Variants in SLC20A2 observed in about 807,000 individuals in gnomAD.
The protein encoded by SLC20A2 is solute carrier family 20 member 2.
Under a neutral mutation model 61.0 loss-of-function variants are expected in SLC20A2, and 30 were observed. That is an observed-to-expected ratio of 0.49 (90% CI 0.37 to 0.67). The LOEUF (loss-of-function observed/expected upper bound fraction) is 0.67, where lower values mean the gene tolerates loss of function less well. Ranked by LOEUF, SLC20A2 falls within the 30% of genes least tolerant of loss-of-function variation. The probability of loss-of-function intolerance (pLI) is 0.00; values close to 1 mark genes in which losing one functional copy is unlikely to be tolerated. For synonymous variants in SLC20A2, 351 were observed against 353.3 expected, an observed-to-expected ratio of 0.99 and a Z score of 0.07; for missense variants, 626 against 866.4, an observed-to-expected ratio of 0.72 and a Z score of 3.48.
At chr8:42,431,544 T>A (rs28868988) in intron 8 of SLC20A2, among the ~76,000 whole-genome samples, 1 of 152,130 alleles carries the variant, frequency 6.6e-6, no homozygotes, top group Non-Finnish European at 1.5e-5. Flanking sequence ...AGAAGATCCA[T>A]CTAAGATCAC....
At chr8:42,469,872 G>A (rs916151836) in intron 2 of SLC20A2, among the ~76,000 whole-genome samples, 5 of 147,582 alleles carry the variant, frequency 3.4e-5, no homozygotes, top group African/African-American at 1.3e-4. Flanking sequence ...AGGTTGCAGT[G>A]AGCCGAGATC....
intron 1 of SLC20A2, among the ~76,000 whole-genome samples, chr8:42,518,623 C>G (rs1247915309): frequency 6.6e-6 from 1 of 152,204 alleles, no homozygotes; most frequent in African/African-American, 2.4e-5. Context: ...TCCGTGTATA[C>G]TTTCACTTGT....
chr8:42,417,541 A>ATAAT lies in SLC20A2; in HGVS notation c.*261_*262insATTA. 1 of 273,170 alleles carries ATAAT rather than the reference A, an allele frequency of 3.7e-6. No individual in the cohort carries two copies. Among genetic ancestry groups the ATAAT allele is most frequent in the Non-Finnish European group, 7.1e-6 (1 of 141,572 alleles). 16.9% of individuals were successfully genotyped at this position (273,170 alleles called of 1,614,324 possible). A position where few individuals can be genotyped will look rare whatever the true frequency, so the allele number is the denominator to read the frequency against. On this transcript the variant is annotated 3_prime_UTR_variant, in exon 11 of 11. Transcript: ENST00000520262. ...TATGGATACAATAGATATTTAATAT[A>ATAAT]TAAGTAACTGCACCACATTATATCA...
chr8:42,439,686 G>C (rs1275731496), intron 6 of SLC20A2, 33 bp from the exon 7 acceptor site: 2 of 1,413,560 alleles, frequency 1.4e-6, no homozygotes, highest in East Asian at 2.3e-5. Flanking sequence ...GAACATTCTG[G>C]AAGAGAGTTC....
intron 1 of SLC20A2, among the ~76,000 whole-genome samples, chr8:42,488,248 C>T (rs1241474539): frequency 1.4e-5 from 2 of 139,640 alleles, no homozygotes; most frequent in Non-Finnish European, 3.0e-5. Context: ...TGCAGCGGCT[C>T]GATCTCTGCT....
chr8:42,503,675 G>A (rs780030017), upstream of SLC20A2, among the ~76,000 whole-genome samples: 1 of 152,096 alleles, frequency 6.6e-6, no homozygotes, highest in African/African-American at 2.4e-5. Context: ...AATCCAGTGC[G>A]TATTTTACAA....
chr8:42,512,405 C>T (rs2131376916), intron 1 of SLC20A2, among the ~76,000 whole-genome samples: 1 of 150,538 alleles, frequency 6.6e-6, no homozygotes, highest in Admixed American at 6.6e-5. Context: ...GGCTGGAGTG[C>T]AGTGGCGTGA....
chr8:42,469,502 T>G (rs1351733282), intron 2 of SLC20A2, among the ~76,000 whole-genome samples: 2 of 151,908 alleles, frequency 1.3e-5, no homozygotes, highest in East Asian at 3.9e-4. Flanking sequence ...GCAGAAAGAG[T>G]GAGCAGATGA....
At chr8:42,516,273 T>C (rs904687171) in intron 1 of SLC20A2, among the ~76,000 whole-genome samples, 3 of 152,224 alleles carry the variant, frequency 2.0e-5, no homozygotes, top group African/African-American at 7.2e-5. Flanking sequence ...GACAATCACG[T>C]AGCCTTTGAG....
At chr8:42,443,706 A>C (rs950282006) in intron 6 of SLC20A2, among the ~76,000 whole-genome samples, 3 of 152,060 alleles carry the variant, frequency 2.0e-5, no homozygotes, top group African/African-American at 4.8e-5. Flanking sequence ...CCCTGATGAA[A>C]ACAAAGACAT....
chr8:42,437,787 T>C lies in SLC20A2; in HGVS notation c.935-210A>G, dbSNP rs182674447. Among the ~76,000 whole-genome samples the C allele has an allele frequency of 9.9e-5, 15 of 151,910 alleles. No homozygotes were observed. The highest frequency in any genetic ancestry group is 3.4e-4 in the African/African-American group (14 of 41,452). ...CGACACCATGCCCAGCTAACTTTTT[T>C]GTATTTTTAGTAGAGATGGGGTTTC... On this transcript the variant is annotated intron_variant, in intron 7 of 10. Coordinates refer to ENST00000520262, the MANE Select transcript of SLC20A2 (RefSeq NM_001257180.2). The surrounding 1 kb of genome is among the most constrained non-coding windows in gnomAD (Gnocchi z 6.4).
intron 1 of SLC20A2, among the ~76,000 whole-genome samples, chr8:42,525,347 C>T (rs773636011): frequency 6.6e-6 from 1 of 151,928 alleles, no homozygotes; most frequent in East Asian, 1.9e-4. Context: ...TTTGGGAGAC[C>T]GAGGTGGGTG....
chr8:42,486,547 T>C (rs1220058593), intron 1 of SLC20A2, among the ~76,000 whole-genome samples: 2 of 152,234 alleles, frequency 1.3e-5, no homozygotes, highest in South Asian at 2.1e-4. Flanking sequence ...CTGTTATTTA[T>C]GTGGCAGTGT....
rs541919211 is a variant in SLC20A2 at position 42,427,178 on chromosome 8, C to T, written c.1794+1580G>A. Among the ~76,000 whole-genome samples the T allele has an allele frequency of 2.0e-5, 3 of 152,380 alleles. No individual in the cohort carries two copies. The South Asian group carries it at 6.2e-4, about 32-fold the overall frequency. ...CCATGTGGGAGCCTCAGCTGGGCTG[C>T]TCCCTGGCTGTGTAATCTCGGGCAC... On this transcript the variant is annotated intron_variant, in intron 10 of 10. Coordinates refer to ENST00000520262, the MANE Select transcript of SLC20A2 (RefSeq NM_001257180.2).
At chr8:42,539,682 T>G (rs918885047) in intron 1 of SLC20A2, among the ~76,000 whole-genome samples, 1 of 152,174 alleles carries the variant, frequency 6.6e-6, no homozygotes, top group Non-Finnish European at 1.5e-5. Context: ...TACCCTTAAT[T>G]AGGAATGTCA....
Position 42,490,520 on chromosome 8 carries a change from C to T in SLC20A2, c.-265+10511G>A, listed in dbSNP as rs1027207784. ...GCTGAGGCGGGAGAATTGTTTGAAC[C>T]CAGGAGGCGGAGGTTGCAGTGAGCC... On this transcript the variant is annotated intron_variant, in intron 1 of 10. Transcript: ENST00000520262. Among the ~76,000 whole-genome samples the T allele has an allele frequency of 2.0e-5, 3 of 152,094 alleles. No homozygotes were observed. The East Asian group carries it at 5.8e-4, about 29-fold the overall frequency.
At position 42,419,766 on chromosome 8, in the gene SLC20A2, C is replaced by CT. The variant is rs1178393412; in HGVS notation, c.1795-1800dup. On this transcript the variant is annotated intron_variant, in intron 10 of 10. Transcript: ENST00000520262. ...AGCACATGATATCATGTAAGTTGCT[C>CT]TTTTTTTGGCTAATTAACCGACAAA... The CT allele has an allele frequency of 5.3e-5, 37 of 703,326 alleles. No individual in the cohort carries two copies. The East Asian group carries it at 3.7e-3, about 71-fold the overall frequency. The allele number at this position is 703,326 out of a possible 1,614,324, so 43.6% of individuals were successfully genotyped here.
chr8:42,459,372 G>C (rs2131155538), intron 5 of SLC20A2, among the ~76,000 whole-genome samples: 1 of 152,258 alleles, frequency 6.6e-6, no homozygotes, highest in Non-Finnish European at 1.5e-5. Context: ...TCTAGTCTCT[G>C]GATAAACTGG....
rs368931698 is a variant in SLC20A2, at chr8:42,465,892, A to C, written c.315T>G (p.Ala105=). ...MVGSAVWQLI[A]SFLRLPISGT... ...CTGAGATTGGAAGCCTCAGGAAGGA[A>C]GCAATCAGCTGCCACACAGCGGAAC... The change falls in exon 3 of 11, where the codon GCT becomes GCG. Residue 105 remains alanine (A), a synonymous_variant. Coordinates refer to ENST00000520262, the MANE Select transcript of SLC20A2 (RefSeq NM_001257180.2). 28 of 1,613,282 alleles carry C rather than the reference A, an allele frequency of 1.7e-5. No individual in the cohort carries two copies. The highest frequency in any genetic ancestry group is 2.1e-5 in the Non-Finnish European group (25 of 1,179,830).
Sources: gnomAD v4.1 joint callset for allele counts (sites outside exome capture counted in the v4.1 genomes callset) on GRCh38, gnomAD v4.1.1 for gene constraint, Gnocchi (gnomAD v3.1) non-coding constraint, MANE v1.5 for transcripts, NCBI Gene and HGNC (gene_info 2026-07-23, HGNC 2026-07-21) for gene names.